The following BNIP3 variants were observed in gnomAD, a reference collection of about 807,000 sequenced individuals.
BNIP3 encodes the protein BCL2/adenovirus E1B 19 kDa protein-interacting protein 3.
A neutral mutation model predicts 23.9 loss-of-function variants in BNIP3; 16 were observed. The ratio of observed to expected loss-of-function variants is 0.67; its 90% CI spans 0.45 to 1.01. BNIP3 has a LOEUF of 1.01. Ranked by LOEUF, BNIP3 falls within the 50% of genes least tolerant of loss-of-function variation. The pLI is 0.00. For synonymous variants in BNIP3, 81 were observed against 89.3 expected, an observed-to-expected ratio of 0.91 and a Z score of 0.53; for missense variants, 198 against 248.7, an observed-to-expected ratio of 0.80 and a Z score of 1.37.
At chr10:131,968,981 G>T (rs2036996312) in intron 5 of BNIP3, 1 of 160,692 alleles carries the variant, frequency 6.2e-6, no homozygotes, top group Non-Finnish European at 1.4e-5. Flanking sequence ...TTTGGTAGTG[G>T]GAGAGATGTC....
intron 3 of BNIP3, 144 bp from the exon 4 acceptor site, chr10:131,971,114 G>A: frequency 1.4e-6 from 1 of 739,344 alleles, no homozygotes; most frequent in Non-Finnish European, 2.2e-6. Flanking sequence ...TGGTCCAAGG[G>A]GAGTCCTGGG....
rs541142947 is a variant in BNIP3 at position 131,976,664 on chromosome 10, T to A, written c.47-2721A>T. On this transcript the variant is annotated intron_variant, in intron 1 of 5. Transcript: ENST00000368636. The surrounding 1 kb of genome is among the most constrained non-coding windows in gnomAD (Gnocchi z 4.3). ...ACCAGACTCCCACTTACCCCACATG[T>A]CCCAACCCTAACCCCAACCATGCTA... is the stretch of plus-strand genomic sequence containing the variant. 7.2e-5 allele frequency among the ~76,000 whole-genome samples: 11 copies of A among 151,844 alleles called. No homozygotes were observed. The East Asian group carries it at 2.1e-3, about 29-fold the overall frequency.
At chr10:131,971,767 G>A (rs573770885) in intron 3 of BNIP3, among the ~76,000 whole-genome samples, 379 of 152,330 alleles carry the variant, frequency 2.5e-3, no homozygotes, top group African/African-American at 8.8e-3. Context: ...CAGGCCGCAC[G>A]CCCTGGATGC....
At chr10:131,974,216 G>C (rs534531107) in intron 1 of BNIP3, among the ~76,000 whole-genome samples, 291 of 152,316 alleles carry the variant, frequency 1.9e-3, no homozygotes, top group Non-Finnish European at 3.4e-3. Context: ...CCAAGCCAAT[G>C]TCCAATAACT....
chr10:131,981,698 T>TTGTCCTCCCTC, intron 1 of BNIP3, 63 bp downstream of exon 1: 2 of 1,441,104 alleles, frequency 1.4e-6, no homozygotes, highest in South Asian at 2.8e-5. Context: ...TGGCGCCCTC[T>TTGTCCTCCCTC]TGGCCTTCCC....
Position 131,973,825 on chromosome 10 carries a change from T to C in BNIP3, c.165A>G (p.Gly55=), listed in dbSNP as rs201448443. 6.2e-7 allele frequency: 1 copy of C among 1,612,536 alleles called. No individual in the cohort carries two copies. The highest frequency in any genetic ancestry group is 8.5e-7 in the Non-Finnish European group (1 of 1,180,024). Reference sequence around the variant, plus strand: ...AGTGAGAGCTCTTGGAGCTACTCCGTCCAGACTCATGCTGTGCGTCCAGCA... The same window carrying C: ...AGTGAGAGCTCTTGGAGCTACTCCGCCCAGACTCATGCTGTGCGTCCAGCA... ...KILLDAQHES[G]RSSSKSSHCD... is the part of the protein sequence containing the mutation. Residue 55 remains glycine, a synonymous_variant, in exon 2 of 6, where the codon GGA becomes GGG. Coordinates refer to ENST00000368636, the MANE Select transcript of BNIP3 (RefSeq NM_004052.4).
chr10:131,976,452 A>G lies in BNIP3; in HGVS notation c.47-2509T>C, dbSNP rs1431414256. Among the ~76,000 whole-genome samples, 3 of 152,176 alleles carry G rather than the reference A, an allele frequency of 2.0e-5. No individual in the cohort carries two copies. The highest frequency in any genetic ancestry group is 7.2e-5 in the African/African-American group (3 of 41,436). On this transcript the variant is annotated intron_variant, in intron 1 of 5. Coordinates refer to ENST00000368636, the MANE Select transcript of BNIP3 (RefSeq NM_004052.4). The surrounding 1 kb of genome is among the most constrained non-coding windows in gnomAD (Gnocchi z 4.3). The stretch of plus-strand genomic sequence containing the variant: ...TTTCTGCCAGTGCCTCTACCTACTC[A>G]GGGGATCCCACACACCTGCCTCAGG...
Position 131,981,637 on chromosome 10 carries a change from C to T in BNIP3, c.46+124G>A. The T allele has an allele frequency of 2.5e-6, 3 of 1,199,004 alleles. No homozygotes were observed. In the South Asian group the frequency reaches 6.1e-5, roughly 24 times the overall value. The allele number at this position is 1,199,004 out of a possible 1,614,324, so 74.3% of individuals were successfully genotyped here. ...GTGGGTACGGAAGGGGAGGATGGCG[C>T]AGCCTCGCCCGGCCCGCGATGCCCC... On this transcript the variant is annotated intron_variant, in intron 1 of 5. Transcript: ENST00000368636.
chr10:131,969,853 C>T (rs548676039), intron 5 of BNIP3: 2 of 152,414 alleles, frequency 1.3e-5, no homozygotes, highest in Admixed American at 6.5e-5. Flanking sequence ...CACAGCGGCG[C>T]CTGCCTGGTC....
At chr10:131,980,420 G>A (rs1454106718) in intron 1 of BNIP3, 1 of 152,062 alleles carries the variant, frequency 6.6e-6, no homozygotes, top group Non-Finnish European at 1.5e-5. Context: ...AATTTCAAGA[G>A]GAAAAATCCG....
At chr10:131,978,981 T>C (rs1192829003) in intron 1 of BNIP3, among the ~76,000 whole-genome samples, 1 of 152,198 alleles carries the variant, frequency 6.6e-6, no homozygotes, top group Non-Finnish European at 1.5e-5. Flanking sequence ...TCAAGTCAGC[T>C]GGGTAGGTAA....
rs1454370649 is a variant in BNIP3 at position 131,968,330 on chromosome 10, T to A, written c.*194A>T. The A allele has an allele frequency of 7.9e-6, 4 of 507,138 alleles. No individual in the cohort carries two copies. The highest frequency in any genetic ancestry group is 2.9e-5 in the South Asian group (1 of 34,560). The allele number at this position is 507,138 out of a possible 1,614,324, so 31.4% of individuals were successfully genotyped here. A position where few individuals can be genotyped will look rare whatever the true frequency, so the allele number is the denominator to read the frequency against. On this transcript the variant is annotated 3_prime_UTR_variant, in exon 6 of 6. Transcript: ENST00000368636. Reference sequence around the variant, plus strand: ...TTAATCAGTCTGACATGCTTATTGATCCCATAGGTGTAATTATAGATCAAC... The same window carrying A: ...TTAATCAGTCTGACATGCTTATTGAACCCATAGGTGTAATTATAGATCAAC...
chr10:131,979,452 T>C (rs560059361), intron 1 of BNIP3, among the ~76,000 whole-genome samples: 2 of 152,190 alleles, frequency 1.3e-5, no homozygotes, highest in African/African-American at 4.8e-5. Context: ...CCAGAGTAAA[T>C]GGGCATGCAC....
At position 131,981,908 on chromosome 10, in the gene BNIP3, G is replaced by A. The variant is rs1014101824; in HGVS notation, c.-102C>T. 7.6e-7 allele frequency: 1 copy of A among 1,320,578 alleles called. No individual in the cohort carries two copies. 81.8% of individuals were successfully genotyped at this position (1,320,578 alleles called of 1,614,324 possible). On this transcript the variant is annotated 5_prime_UTR_variant, in exon 1 of 6. Transcript: ENST00000368636. ...GCGGAGGTCGGAGCGCCGCGGCCCA[G>A]CTGCGCTCCCGGACTGAGCGGAGCC...
rs1352217595 is a variant in BNIP3, at chr10:131,970,626, C to T, written c.539+12G>A. On this transcript the variant is annotated intron_variant, in intron 5 of 5. Transcript: ENST00000368636. This position sits in a 1 kb window ranked among gnomAD's most constrained non-coding sequence, Gnocchi z 4.1. ...CATGCCATGACAGGAGTCACACAGT[C>T]ACATCACCTACCCCAATCCGATGGC... is the stretch of plus-strand genomic sequence containing the variant. 2 of 1,612,994 alleles carry T rather than the reference C, an allele frequency of 1.2e-6. No individual in the cohort carries two copies. Among genetic ancestry groups the T allele is most frequent in the East Asian group, 2.2e-5 (1 of 44,820 alleles).
At position 131,976,990 on chromosome 10, in the gene BNIP3, C is replaced by T. The variant is rs1443494011; in HGVS notation, c.47-3047G>A. Among the ~76,000 whole-genome samples the T allele has an allele frequency of 1.3e-5, 2 of 152,162 alleles. No individual in the cohort carries two copies. Among genetic ancestry groups the T allele is most frequent in the African/African-American group, 2.4e-5 (1 of 41,438 alleles). ...TTCTTTAATAAACATGCTTAAGACACTTATTGGCACAGCGGTTCATGCCTG... is the reference window on the plus strand; with the variant it reads ...TTCTTTAATAAACATGCTTAAGACATTTATTGGCACAGCGGTTCATGCCTG... On this transcript the variant is annotated intron_variant, in intron 1 of 5. Transcript: ENST00000368636. The surrounding 1 kb of genome is among the most constrained non-coding windows in gnomAD (Gnocchi z 4.3).
chr10:131,971,628 C>G (rs1278926676), intron 3 of BNIP3: 1 of 152,164 alleles, frequency 6.6e-6, no homozygotes, highest in Non-Finnish European at 1.5e-5. Flanking sequence ...TTGTGTAAAA[C>G]AGTGAAAACG....
At position 131,976,082 on chromosome 10, in the gene BNIP3, T is replaced by C. The variant is rs913426700; in HGVS notation, c.47-2139A>G. Among the ~76,000 whole-genome samples the C allele has an allele frequency of 1.3e-5, 2 of 152,228 alleles. No individual in the cohort carries two copies. The highest frequency in any genetic ancestry group is 4.8e-5 in the African/African-American group (2 of 41,456). The stretch of plus-strand genomic sequence containing the variant: ...TCCCTCTCTGCGGTTCAAGATGCCA[T>C]GCGGCCGGCTAGCCATGGCCTGCCC... On this transcript the variant is annotated intron_variant, in intron 1 of 5. Coordinates refer to ENST00000368636, the MANE Select transcript of BNIP3 (RefSeq NM_004052.4). The surrounding 1 kb of genome is among the most constrained non-coding windows in gnomAD (Gnocchi z 4.3).
At chr10:131,971,336 A>G in intron 3 of BNIP3, 1 of 256,176 alleles carries the variant, frequency 3.9e-6, no homozygotes, top group East Asian at 1.0e-4. Context: ...GGTTATAAGA[A>G]AAGAAAATGA....
Sources: allele counts gnomAD v4.1 joint callset (sites outside exome capture counted in the v4.1 genomes callset), GRCh38; gene constraint gnomAD v4.1.1; non-coding constraint Gnocchi (gnomAD v3.1); transcripts MANE v1.5; gene names NCBI Gene and HGNC (gene_info 2026-07-23, HGNC 2026-07-21).